The following PTBP1 variants were observed in gnomAD, a reference collection of about 807,000 sequenced individuals.
PTBP1 encodes the protein polypyrimidine tract binding protein 1, also known as polypyrimidine tract-binding protein 1.
A neutral mutation model predicts 59.8 loss-of-function variants in PTBP1; 8 were observed. The observed-to-expected ratio is 0.13, with a 90% CI of 0.08 to 0.24. PTBP1 has a LOEUF of 0.24. Ranked by LOEUF, PTBP1 falls within the 10% of genes least tolerant of loss-of-function variation. The pLI, the probability that PTBP1 is intolerant of heterozygous loss-of-function variation, is 1.00. For missense variants in PTBP1, 686 were observed against 767.0 expected (o/e 0.89, Z 1.25); for synonymous variants, 490 against 320.7 (o/e 1.53, Z -5.64).
Position 806,442 on chromosome 19 carries a change from C to A in PTBP1, c.1005C>A (p.Ala335=). 6.2e-7 allele frequency: 1 copy of A among 1,601,992 alleles called. No homozygotes were observed. Among genetic ancestry groups the A allele is most frequent in the Non-Finnish European group, 8.5e-7 (1 of 1,174,474 alleles). ...TTCCGAACGTCCACGGCGCCCTGGC[C>A]CCCCTGGCCATCCCCTCGGCGGCGG... ...LSVPNVHGAL[A]PLAIPSAAAA... is the part of the protein sequence containing the mutation. Residue 335 remains alanine (A), a synonymous_variant, in exon 10 of 15, where the codon GCC becomes GCA. Transcript: ENST00000356948.
chr19:806,660 T>G (rs1426217213), intron 10 of PTBP1, 104 bp downstream of exon 10: 3 of 1,168,722 alleles, frequency 2.6e-6, no homozygotes, highest in South Asian at 3.6e-5. Context: ...TCGCTGTGTC[T>G]GCGCCTCTGC....
chr19:804,779 G>A, intron 6 of PTBP1, 50 bp from the exon 7 acceptor site: 1 of 1,608,480 alleles, frequency 6.2e-7, no homozygotes, highest in Non-Finnish European at 8.5e-7. Context: ...GGGCCTGGCA[G>A]GGCTGGTGGG....
Position 808,006 on chromosome 19 carries a change from G to C in PTBP1, c.1153+104G>C, listed in dbSNP as rs890931430. The C allele has an allele frequency of 2.9e-6, 3 of 1,048,696 alleles. No homozygotes were observed. The African/African-American group carries it at 4.7e-5, about 17-fold the overall frequency. 65.0% of individuals were successfully genotyped at this position (1,048,696 alleles called of 1,614,324 possible). ...TTGCGGTTTGGCACTCTGATGCTCC[G>C]TGGCATCCGCCTCGTTTTATGGTTT... is the stretch of plus-strand genomic sequence containing the variant. On this transcript the variant is annotated intron_variant, in intron 11 of 14. Transcript: ENST00000356948. This position sits in a 1 kb window ranked among gnomAD's most constrained non-coding sequence, Gnocchi z 4.7.
At position 804,437 on chromosome 19, in the gene PTBP1, C is replaced by T. The variant is rs750425323; in HGVS notation, c.434C>T (p.Ala145Val). 8.1e-6 allele frequency: 13 copies of T among 1,610,140 alleles called. No individual in the cohort carries two copies. The highest frequency in any genetic ancestry group is 3.3e-5 in the Admixed American group (2 of 59,962). The change falls in exon 5 of 15, where the codon GCG becomes GTG. Residue 145 changes from alanine to valine, a missense_variant and splice_region_variant. Transcript: ENST00000356948. Reference sequence around the variant, plus strand: ...AAGACCGACAGCTCTCCCAACCAGGCGGTGCGTGGCCCCGCGGCGGACCCC... The same window carrying T: ...AAGACCGACAGCTCTCCCAACCAGGTGGTGCGTGGCCCCGCGGCGGACCCC... Reference protein sequence around the residue: ...ELKTDSSPNQARAQAALQAVN... With the variant: ...ELKTDSSPNQVRAQAALQAVN...
chr19:806,247 G>A (rs1854758927), intron 9 of PTBP1, 161 bp from the exon 10 acceptor site: 2 of 719,966 alleles, frequency 2.8e-6, no homozygotes, highest in Non-Finnish European at 4.2e-6. Flanking sequence ...GTGGCTGTGC[G>A]GGGGTCGGAC....
In PTBP1 at chr19:805,935, CCGG is replaced by C. The variant is rs1405792286; in HGVS notation, c.970+373_970+375del. On this transcript the variant is annotated intron_variant, in intron 9 of 14. Transcript: ENST00000356948. ...CGCGGCCCGAGGCTGAGCAGCATGA[CCGG>C]CGGCGGGACGTGTGTGCGTGGCCGT... is the stretch of plus-strand genomic sequence containing the variant. The C allele has an allele frequency of 2.3e-5, 7 of 304,270 alleles. No individual in the cohort carries two copies. In the East Asian group the frequency reaches 6.0e-4, roughly 26 times the overall value. 18.8% of individuals were successfully genotyped at this position (304,270 alleles called of 1,614,324 possible). A position where few individuals can be genotyped will look rare whatever the true frequency, so the allele number is the denominator to read the frequency against.
At chr19:810,498 C>A in intron 13 of PTBP1, 45 bp from the exon 14 acceptor site, 1 of 1,566,678 alleles carries the variant, frequency 6.4e-7, no homozygotes, top group Non-Finnish European at 8.7e-7. Context: ...ACTGGGCGCC[C>A]CCACCCCCAC....
Position 808,502 on chromosome 19 carries a change from C to T in PTBP1, c.1247-44C>T, listed in dbSNP as rs1947201213. 11 of 1,556,934 alleles carry T rather than the reference C, an allele frequency of 7.1e-6. No homozygotes were observed. The highest frequency in any genetic ancestry group is 1.2e-5 in the South Asian group (1 of 84,822). On this transcript the variant is annotated intron_variant, in intron 12 of 14. Transcript: ENST00000356948. This position sits in a 1 kb window ranked among gnomAD's most constrained non-coding sequence, Gnocchi z 4.7. ...GTGGAGGGGGCAGGGGCGGGGGCTG[C>T]GTTCCCTCTCGGGCGCCTGGTCACG... is the stretch of plus-strand genomic sequence containing the variant.
intron 3 of PTBP1, 99 bp downstream of exon 3, chr19:803,735 C>A (rs2145041762): frequency 8.9e-7 from 1 of 1,129,764 alleles, no homozygotes. Context: ...TCTCCAACTG[C>A]AGGGGCCCAT....
chr19:803,684 T>G (rs1568266969), intron 3 of PTBP1, 48 bp downstream of exon 3: 1 of 1,500,754 alleles, frequency 6.7e-7, no homozygotes, highest in East Asian at 2.3e-5. Context: ...TGTCTTTCCC[T>G]GGAACAACGT....
At chr19:799,574 G>A in intron 2 of PTBP1, 131 bp downstream of exon 2, 1 of 918,256 alleles carries the variant, frequency 1.1e-6, no homozygotes, top group Non-Finnish European at 1.8e-6. Flanking sequence ...CCCTTGGTCT[G>A]GAATCTGGAG....
chr19:798,259 C>T (rs1315183500), intron 1 of PTBP1, among the ~76,000 whole-genome samples: 2 of 151,936 alleles, frequency 1.3e-5, no homozygotes, highest in Non-Finnish European at 1.5e-5. Context: ...GCTCTCGGGC[C>T]GGGGCAGCCT....
At position 810,680 on chromosome 19, in the gene PTBP1, C is replaced by A. The variant is rs750745612; in HGVS notation, c.1542-14C>A. ...AGGCTGCCCTGCGGCCGGCCCTGACCCCCTGTCTTGCAGGAAGGACCGCAA... is the reference window on the plus strand; with the variant it reads ...AGGCTGCCCTGCGGCCGGCCCTGACACCCTGTCTTGCAGGAAGGACCGCAA... On this transcript the variant is annotated splice_polypyrimidine_tract_variant and intron_variant, in intron 14 of 14. Transcript: ENST00000356948. 3.7e-6 allele frequency: 6 copies of A among 1,612,050 alleles called. No homozygotes were observed. Among genetic ancestry groups the A allele is most frequent in the African/African-American group, 1.3e-5 (1 of 74,814 alleles).
In PTBP1 at chr19:799,456, C is replaced by T. The variant is rs2034233711; in HGVS notation, c.39+13C>T. 2.5e-6 allele frequency: 4 copies of T among 1,613,296 alleles called. No homozygotes were observed. The highest frequency in any genetic ancestry group is 3.4e-6 in the Non-Finnish European group (4 of 1,179,492). ...CGTTGGTACAAAGGTAGGCACTTCT[C>T]ACTTTGCTTCTCCGTGACGCTCCTC... On this transcript the variant is annotated intron_variant, in intron 2 of 14. Coordinates refer to ENST00000356948, the MANE Select transcript of PTBP1 (RefSeq NM_002819.5).
intron 1 of PTBP1, among the ~76,000 whole-genome samples, chr19:798,093 C>T (rs901059434): frequency 6.6e-6 from 1 of 151,868 alleles, no homozygotes; most frequent in Non-Finnish European, 1.5e-5. Flanking sequence ...CGCTCCCCGC[C>T]CTACCCCTGC....
Position 808,274 on chromosome 19 carries a change from T to TGTG in PTBP1, c.1154-84_1154-82dup. 3.3e-5 allele frequency: 37 copies of TGTG among 1,104,952 alleles called. 1 individual carries two copies. In the South Asian group the frequency reaches 5.0e-4, roughly 15 times the overall value. The allele number at this position is 1,104,952 out of a possible 1,614,324, so 68.4% of individuals were successfully genotyped here. On this transcript the variant is annotated intron_variant, in intron 11 of 14. Transcript: ENST00000356948. This position sits in a 1 kb window ranked among gnomAD's most constrained non-coding sequence, Gnocchi z 4.7. ...AACCCGGCCGGGCTGAGCCGGGCCT[T>TGTG]GTGGGGGTGCGCGGGGCCGGGGCTG... is the stretch of plus-strand genomic sequence containing the variant.
At position 808,001 on chromosome 19, in the gene PTBP1, G is replaced by A; in HGVS notation, c.1153+99G>A. The A allele has an allele frequency of 9.0e-7, 1 of 1,106,236 alleles. No homozygotes were observed. The allele number at this position is 1,106,236 out of a possible 1,614,324, so 68.5% of individuals were successfully genotyped here. On this transcript the variant is annotated intron_variant, in intron 11 of 14. Coordinates refer to ENST00000356948, the MANE Select transcript of PTBP1 (RefSeq NM_002819.5). This position sits in a 1 kb window ranked among gnomAD's most constrained non-coding sequence, Gnocchi z 4.7. The stretch of plus-strand genomic sequence containing the variant: ...TGAGTTTGCGGTTTGGCACTCTGAT[G>A]CTCCGTGGCATCCGCCTCGTTTTAT...
At chr19:807,617 G>A (rs1293903257) in intron 10 of PTBP1, 5 of 470,144 alleles carry the variant, frequency 1.1e-5, no homozygotes, top group Non-Finnish European at 1.9e-5. Flanking sequence ...TGACTGCACG[G>A]TACTTCTGCT....
chr19:810,476 C>T (rs1203482459), intron 13 of PTBP1, 67 bp from the exon 14 acceptor site: 21 of 1,403,798 alleles, frequency 1.5e-5, no homozygotes, highest in Non-Finnish European at 1.9e-5. Context: ...TGGGGAAAGC[C>T]TCGCGGACCT....
Sources: gnomAD v4.1 joint callset for allele counts (sites outside exome capture counted in the v4.1 genomes callset) on GRCh38, gnomAD v4.1.1 for gene constraint, Gnocchi (gnomAD v3.1) non-coding constraint, MANE v1.5 for transcripts, NCBI Gene and HGNC (gene_info 2026-07-23, HGNC 2026-07-21) for gene names.